TIMM44: variants seen among roughly 807,000 people sequenced by gnomAD.
TIMM44 encodes translocase of inner mitochondrial membrane 44.
A neutral mutation model predicts 63.8 loss-of-function variants in TIMM44; 37 were observed. The ratio of observed to expected loss-of-function variants is 0.58; its 90% CI spans 0.45 to 0.76. The LOEUF (loss-of-function observed/expected upper bound fraction) is 0.76. Ranked by LOEUF, TIMM44 falls within the 30% of genes least tolerant of loss-of-function variation. The pLI is 0.00. For missense variants in TIMM44, 573 were observed against 603.8 expected, an observed-to-expected ratio of 0.95 and a Z score of 0.54; for synonymous variants, 239 against 245.1, an observed-to-expected ratio of 0.98 and a Z score of 0.23.
intron 2 of TIMM44, 75 bp from the exon 3 acceptor site, chr19:7,938,272 C>T: frequency 8.3e-7 from 1 of 1,200,712 alleles, no homozygotes; most frequent in Non-Finnish European, 1.2e-6. Flanking sequence ...CAGAGGGACT[C>T]AGGGATTTTT....
At chr19:7,931,311 C>T (rs1983976093) in intron 9 of TIMM44, 123 bp from the exon 10 acceptor site, 1 of 888,444 alleles carries the variant, frequency 1.1e-6, no homozygotes, top group East Asian at 2.5e-5. Flanking sequence ...CCGGCTGCCA[C>T]CTGTGGGGCG....
chr19:7,943,608 C>A lies in TIMM44; in HGVS notation c.44G>T (p.Arg15Leu), dbSNP rs1193515793. 2.6e-6 allele frequency: 4 copies of A among 1,562,862 alleles called. No individual in the cohort carries two copies. Among genetic ancestry groups the A allele is most frequent in the East Asian group, 2.4e-5 (1 of 41,888 alleles). Reference protein sequence around the residue: ...ALRSGWCRCPRRCLGSGIQFL... With the variant: ...ALRSGWCRCPLRCLGSGIQFL... ...TGCCAGCGCCGCACCGCCGCTCACC[C>A]GTGGACAGCGGCACCAGCCACTCCG... Residue 15 changes from arginine to leucine, a missense_variant and splice_region_variant, in exon 1 of 13, where the codon CGG becomes CTG. By Grantham distance (102) the Arg-to-Leu change is moderately radical. Transcript: ENST00000270538. This position sits in a 1 kb window ranked among gnomAD's most constrained non-coding sequence, Gnocchi z 4.3.
At chr19:7,937,978 A>T in intron 3 of TIMM44, 49 bp downstream of exon 3, 1 of 1,609,978 alleles carries the variant, frequency 6.2e-7, no homozygotes, top group Non-Finnish European at 8.5e-7. Context: ...AGATCGCACC[A>T]CTACTCTCCA....
chr19:7,938,759 A>T (rs1176694256), intron 2 of TIMM44, among the ~76,000 whole-genome samples: 1 of 152,188 alleles, frequency 6.6e-6, no homozygotes, highest in Non-Finnish European at 1.5e-5. Context: ...GTGAGCCAAG[A>T]TTATGCCACA....
Position 7,927,293 on chromosome 19 carries a change from CGCAGCACCTTGTCCT to C in TIMM44, c.1240-2_1252del. Reference sequence around the variant, plus strand: ...GCAGAGCGCCCACACGTACAGCATCCGCAGCACCTTGTCCTGCAGGGTGGGGTGGGAAGGGCACTG... The same window carrying C: ...GCAGAGCGCCCACACGTACAGCATCCGCAGGGTGGGGTGGGAAGGGCACTG... On this transcript the variant is annotated splice_acceptor_variant and coding_sequence_variant, in exon 13 of 13. Transcript: ENST00000270538. LOFTEE classifies it high-confidence loss of function. The C allele has an allele frequency of 6.2e-7, 1 of 1,611,150 alleles. No homozygotes were observed. The highest frequency in any genetic ancestry group is 8.5e-7 in the Non-Finnish European group (1 of 1,179,934).
chr19:7,943,477 A>T lies in TIMM44; in HGVS notation c.45+130T>A. The T allele has an allele frequency of 8.8e-7, 1 of 1,139,326 alleles. No individual in the cohort carries two copies. The highest frequency in any genetic ancestry group is 1.3e-5 in the South Asian group (1 of 75,050). 70.6% of individuals were successfully genotyped at this position (1,139,326 alleles called of 1,614,324 possible). On this transcript the variant is annotated intron_variant, in intron 1 of 12. Transcript: ENST00000270538. This position sits in a 1 kb window ranked among gnomAD's most constrained non-coding sequence, Gnocchi z 4.3. ...CTGTCCTGGCCTCTGCTACCCAAAGATCTAACCCCAAGCTTTCTAAGGAGC... is the reference window on the plus strand; with the variant it reads ...CTGTCCTGGCCTCTGCTACCCAAAGTTCTAACCCCAAGCTTTCTAAGGAGC...
chr19:7,930,457 C>A (rs1983949788), intron 10 of TIMM44, among the ~76,000 whole-genome samples: 1 of 152,002 alleles, frequency 6.6e-6, no homozygotes, highest in African/African-American at 2.4e-5. Context: ...TACAGACATG[C>A]ACCAGCATGC....
chr19:7,938,297 T>G lies in TIMM44; in HGVS notation c.142-100A>C, dbSNP rs1314386859. 5.5e-6 allele frequency: 5 copies of G among 902,000 alleles called. No homozygotes were observed. The African/African-American group carries it at 6.8e-5, about 12-fold the overall frequency. The allele number at this position is 902,000 out of a possible 1,614,324, so 55.9% of individuals were successfully genotyped here. A position where few individuals can be genotyped will look rare whatever the true frequency, so the allele number is the denominator to read the frequency against. The stretch of plus-strand genomic sequence containing the variant: ...CAGGGATTTTTTTAAATGTTCTCTT[T>G]TCGGTTGATATACATTTAATGATGA... On this transcript the variant is annotated intron_variant, in intron 2 of 12. Coordinates refer to ENST00000270538, the MANE Select transcript of TIMM44 (RefSeq NM_006351.4).
At position 7,927,735 on chromosome 19, in the gene TIMM44, C is replaced by A. The variant is rs758542436; in HGVS notation, c.1161G>T (p.Pro387=). The change falls in exon 12 of 13, where the codon CCG becomes CCT. Residue 387 remains proline (P), a synonymous_variant. Transcript: ENST00000270538. ...GTGCCTGGAAGGTGATGATCAGCACCGGCCCCTGCTCCATCATCTTGCCCA... is the reference window on the plus strand; with the variant it reads ...GTGCCTGGAAGGTGATGATCAGCACAGGCCCCTGCTCCATCATCTTGCCCA... The part of the protein sequence containing the change: ...LAMGKMMEQG[P]VLIITFQAQL... 6.2e-7 allele frequency: 1 copy of A among 1,612,564 alleles called. No individual in the cohort carries two copies. Among genetic ancestry groups the A allele is most frequent in the African/African-American group, 1.3e-5 (1 of 74,926 alleles).
rs113244167 is a variant in TIMM44 at position 7,942,843 on chromosome 19, A to G, written c.45+764T>C. On this transcript the variant is annotated intron_variant, in intron 1 of 12. Coordinates refer to ENST00000270538, the MANE Select transcript of TIMM44 (RefSeq NM_006351.4). ...GCCCGGCTAATTTTTTTGTATTTTT[A>G]GTACAGATGGGGTTTTAGTAGAGAT... Among the ~76,000 whole-genome samples, 294 of 150,220 alleles carry G rather than the reference A, an allele frequency of 2.0e-3. 1 individual carries two copies. Among genetic ancestry groups the G allele is most frequent in the African/African-American group, 6.9e-3 (282 of 40,920 alleles).
Position 7,941,185 on chromosome 19 carries a change from T to C in TIMM44, c.58A>G (p.Ser20Gly), listed in dbSNP as rs149700042. The change falls in exon 2 of 13, where the codon AGT becomes GGT. Residue 20 changes from serine (S) to glycine (G), a missense_variant. Ser to Gly is a moderately conservative substitution (Grantham distance 56, BLOSUM62 0). Coordinates refer to ENST00000270538, the MANE Select transcript of TIMM44 (RefSeq NM_006351.4). ...WCRCPRRCLG[S>G]GIQFLSSHNL... ...TGGCTGGAAAGAAATTGGATTCCAC[T>C]GCCGAGGCATCTCTAATTGGGGGGA... 6.9e-4 allele frequency: 1,110 copies of C among 1,613,720 alleles called. 1 individual carries two copies. Among genetic ancestry groups the C allele is most frequent in the Middle Eastern group, 1.5e-3 (9 of 6,082 alleles).
At position 7,938,109 on chromosome 19, in the gene TIMM44, A is replaced by G. The variant is rs779853958; in HGVS notation, c.230T>C (p.Met77Thr). 1 of 1,613,692 alleles carries G rather than the reference A, an allele frequency of 6.2e-7. No homozygotes were observed. Among genetic ancestry groups the G allele is most frequent in the Non-Finnish European group, 8.5e-7 (1 of 1,179,948 alleles). The change falls in exon 3 of 13, where the codon ATG (methionine) becomes ACG (threonine). Residue 77 changes from methionine to threonine, a missense_variant. Transcript: ENST00000270538. Reference protein sequence around the residue: ...VKQELAKNKEMKESIKKFRDE... With the variant: ...VKQELAKNKETKESIKKFRDE... ...ACGGAATTTTTTTATACTTTCTTTC[A>G]TTTCTTTGTTTTTGGCTAATTCTTG...
intron 1 of TIMM44, among the ~76,000 whole-genome samples, chr19:7,942,636 T>C (rs1984340496): frequency 6.6e-6 from 1 of 151,202 alleles, no homozygotes; most frequent in Admixed American, 6.6e-5. Flanking sequence ...AGGTGCCTAC[T>C]ATCTCCTGTA....
rs1321483048 is a variant in TIMM44, at chr19:7,927,060, C to G, written c.*127G>C. The G allele has an allele frequency of 7.2e-7, 1 of 1,392,934 alleles. No homozygotes were observed. The allele number at this position is 1,392,934 out of a possible 1,614,324, so 86.3% of individuals were successfully genotyped here. A position where few individuals can be genotyped will look rare whatever the true frequency, so the allele number is the denominator to read the frequency against. On this transcript the variant is annotated 3_prime_UTR_variant, in exon 13 of 13. Transcript: ENST00000270538. ...CTCCCGGGCCAGCTGGTCTTGCAGC[C>G]GTCCTGGCAGAGCTGGGGGCAGAGC... is the stretch of plus-strand genomic sequence containing the variant.
At position 7,938,272 on chromosome 19, in the gene TIMM44, CAG is replaced by C. The variant is rs1376857254; in HGVS notation, c.142-77_142-76del. 6 of 1,200,594 alleles carry C rather than the reference CAG, an allele frequency of 5.0e-6. No homozygotes were observed. The Admixed American group carries it at 7.5e-5, about 15-fold the overall frequency. The allele number at this position is 1,200,594 out of a possible 1,614,324, so 74.4% of individuals were successfully genotyped here. A position where few individuals can be genotyped will look rare whatever the true frequency, so the allele number is the denominator to read the frequency against. On this transcript the variant is annotated intron_variant, in intron 2 of 12. Transcript: ENST00000270538. Reference sequence around the variant, plus strand: ...GAATGAAATGCCCCACAGAGGGACTCAGGGATTTTTTTAAATGTTCTCTTTTC... The same window carrying C: ...GAATGAAATGCCCCACAGAGGGACTCGGATTTTTTTAAATGTTCTCTTTTC...
In TIMM44 at chr19:7,928,133, C is replaced by T; in HGVS notation, c.1072G>A (p.Ala358Thr). The T allele has an allele frequency of 6.2e-7, 1 of 1,613,976 alleles. No individual in the cohort carries two copies. Among genetic ancestry groups the T allele is most frequent in the African/African-American group, 1.3e-5 (1 of 75,048 alleles). Residue 358 changes from alanine to threonine, a missense_variant, in exon 11 of 13, where the codon GCC becomes ACC. Coordinates refer to ENST00000270538, the MANE Select transcript of TIMM44 (RefSeq NM_006351.4). ...TGGAACTGGAGACCCAGTGCCTTGG[C>T]CTGCTGGATGGGGTGGGCCAGCTGG... ...YSQLAHPIQQ[A>T]KALGLQFHSR...
At position 7,933,542 on chromosome 19, in the gene TIMM44, C is replaced by T. The variant is rs1984047545; in HGVS notation, c.712G>A (p.Asp238Asn). 3 of 1,613,978 alleles carry T rather than the reference C, an allele frequency of 1.9e-6. No individual in the cohort carries two copies. The highest frequency in any genetic ancestry group is 2.5e-6 in the Non-Finnish European group (3 of 1,180,002). Residue 238 changes from aspartate to asparagine, a missense_variant, in exon 7 of 13, where the codon GAC becomes AAC. Transcript: ENST00000270538. The surrounding 1 kb of genome is among the most constrained non-coding windows in gnomAD (Gnocchi z 4.3). ...EEALGVVLHK[D>N]SKWYQQWKDF... ...TTCCACTGCTGGTACCACTTGGAGT[C>T]CTTGTGCAGCACGACCCCCAGGGCC...
chr19:7,927,304 G>C lies in TIMM44; in HGVS notation c.1242C>G (p.Asp414Glu), dbSNP rs981807182. ...PKGEVVEGDP[D>E]KVLRMLYVWA... ...ACACGTACAGCATCCGCAGCACCTT[G>C]TCCTGCAGGGTGGGGTGGGAAGGGC... The change falls in exon 13 of 13, where the codon GAC (aspartate) becomes GAG (glutamate). Residue 414 changes from aspartate to glutamate, a missense_variant and splice_region_variant. By Grantham distance (45) the Asp-to-Glu change is conservative. Coordinates refer to ENST00000270538, the MANE Select transcript of TIMM44 (RefSeq NM_006351.4). 4 of 1,610,454 alleles carry C rather than the reference G, an allele frequency of 2.5e-6. No individual in the cohort carries two copies. Among genetic ancestry groups the C allele is most frequent in the Admixed American group, 1.7e-5 (1 of 60,004 alleles).
rs560608555 is a variant in TIMM44, at chr19:7,942,426, T to TA, written c.45+1180dup. 1.6e-3 allele frequency among the ~76,000 whole-genome samples: 240 copies of TA among 148,784 alleles called. 1 individual carries two copies. The highest frequency in any genetic ancestry group is 5.9e-3 in the African/African-American group (236 of 39,764). On this transcript the variant is annotated intron_variant, in intron 1 of 12. Coordinates refer to ENST00000270538, the MANE Select transcript of TIMM44 (RefSeq NM_006351.4). ...GCAACATAGCTAGACCCTGCCTCCA[T>TA]AAAAAATTGGGGGAAAAAAAAAAAG...
Sources: gnomAD v4.1 joint callset for allele counts (sites outside exome capture counted in the v4.1 genomes callset) on GRCh38, gnomAD v4.1.1 for gene constraint, Gnocchi (gnomAD v3.1) non-coding constraint, MANE v1.5 for transcripts, NCBI Gene and HGNC (gene_info 2026-07-23, HGNC 2026-07-21) for gene names.